EXTL3: variants seen among roughly 807,000 people sequenced by gnomAD.
EXTL3 encodes exostosin like glycosyltransferase 3.
EXTL3 carries 27 observed loss-of-function variants against 69.3 expected under a neutral mutation model. That is an observed-to-expected ratio of 0.39 (90% CI 0.29 to 0.54). EXTL3 has a LOEUF of 0.54. Among genes scored for constraint, EXTL3 ranks in the 20% least tolerant of loss-of-function variants. EXTL3 has a pLI of 0.69. For synonymous variants in EXTL3, 511 were observed against 499.4 expected, an observed-to-expected ratio of 1.02 and a Z score of -0.31; for missense variants, 1,003 against 1,231.8, an observed-to-expected ratio of 0.81 and a Z score of 2.78.
rs191736174 is a variant in EXTL3 at position 28,672,153 on chromosome 8, C to T, written c.-52-41304C>T. 1.2e-3 allele frequency among the ~76,000 whole-genome samples: 176 copies of T among 152,006 alleles called. 1 individual carries two copies. Among genetic ancestry groups the T allele is most frequent in the Admixed American group, 3.2e-3 (49 of 15,240 alleles). On this transcript the variant is annotated intron_variant, in intron 1 of 6. Coordinates refer to the EXTL3 transcript ENST00000523149. ...TTTCTGGCCAGGAGCGTTTGGTGCACGCCTGTAATCCCAGCAGTTTGGGAG... is the reference window on the plus strand; with the variant it reads ...TTTCTGGCCAGGAGCGTTTGGTGCATGCCTGTAATCCCAGCAGTTTGGGAG...
At chr8:28,733,170 G>C (rs927944779) in intron 4 of EXTL3, among the ~76,000 whole-genome samples, 1 of 152,098 alleles carries the variant, frequency 6.6e-6, no homozygotes, top group South Asian at 2.1e-4. Flanking sequence ...GGATACCTAA[G>C]AGTAATGTGG....
chr8:28,716,672 G>T lies in EXTL3; in HGVS notation c.613G>T (p.Val205Phe). Reference sequence around the variant, plus strand: ...CTACGTCTATGACAGTGACCAGTTTGTCTTTGGCAGCTACCTGGATCCCTT... The same window carrying T: ...CTACGTCTATGACAGTGACCAGTTTTTCTTTGGCAGCTACCTGGATCCCTT... The part of the protein sequence containing the change: ...PVYVYDSDQF[V>F]FGSYLDPLVK... The change falls in exon 3 of 7, where the codon GTC becomes TTC. Residue 205 changes from valine to phenylalanine, a missense_variant. Coordinates refer to ENST00000220562, the MANE Select transcript of EXTL3 (RefSeq NM_001440.4). The surrounding 1 kb of genome is among the most constrained non-coding windows in gnomAD (Gnocchi z 7.1). 6.2e-7 allele frequency: 1 copy of T among 1,614,232 alleles called. No individual in the cohort carries two copies. The highest frequency in any genetic ancestry group is 8.5e-7 in the Non-Finnish European group (1 of 1,180,040).
intron 1 of EXTL3, chr8:28,710,613 C>CTTTTTT (rs11446791): frequency 2.2e-5 from 6 of 272,862 alleles, no homozygotes; most frequent in African/African-American, 2.8e-5. Flanking sequence ...TTCTTTCTTT[C>CTTTTTT]TTTTTTTTTT....
At chr8:28,696,108 G>A (rs1324057306) in intron 1 of EXTL3, 1 of 152,094 alleles carries the variant, frequency 6.6e-6, no homozygotes, top group Admixed American at 6.5e-5. Flanking sequence ...TGTTGCCCAG[G>A]CTGGTCAAAC....
chr8:28,663,815 T>TC (rs539215706), intron 1 of EXTL3, among the ~76,000 whole-genome samples: 3 of 152,176 alleles, frequency 2.0e-5, no homozygotes, highest in African/African-American at 7.2e-5. Flanking sequence ...TTCTCAAACC[T>TC]CCCCTCAGCA....
chr8:28,702,813 G>A (rs922685179), intron 1 of EXTL3, among the ~76,000 whole-genome samples: 2 of 152,010 alleles, frequency 1.3e-5, no homozygotes, highest in Non-Finnish European at 2.9e-5. Context: ...AGAGCTCCCC[G>A]TGCTTTCTTT....
chr8:28,681,558 G>T (rs539732240), intron 1 of EXTL3, among the ~76,000 whole-genome samples: 1 of 152,078 alleles, frequency 6.6e-6, no homozygotes, highest in East Asian at 1.9e-4. Flanking sequence ...ATAGACACTC[G>T]GGTTGATTTC....
intron 1 of EXTL3, chr8:28,710,213 A>G (rs887696115): frequency 1.1e-5 from 3 of 261,678 alleles, no homozygotes; most frequent in Non-Finnish European, 7.7e-6. Context: ...TGTGTTGCTG[A>G]CCACTGGAAA....
At chr8:28,730,770 A>G (rs181243020) in intron 3 of EXTL3, among the ~76,000 whole-genome samples, 1 of 149,098 alleles carries the variant, frequency 6.7e-6, no homozygotes, top group East Asian at 2.0e-4. Flanking sequence ...CTTTTTTGGG[A>G]TTTATATCCC....
intron 1 of EXTL3, among the ~76,000 whole-genome samples, chr8:28,622,985 C>G (rs1806438069): frequency 6.6e-6 from 1 of 152,090 alleles, no homozygotes; most frequent in African/African-American, 2.4e-5. Context: ...GTCGTCCTGC[C>G]CGCGGGCCGG....
At chr8:28,726,156 A>G (rs1008882399) in intron 3 of EXTL3, among the ~76,000 whole-genome samples, 7 of 152,082 alleles carry the variant, frequency 4.6e-5, no homozygotes, top group Non-Finnish European at 8.8e-5. Context: ...GGGTTTCACT[A>G]TGTTGGCCAG....
chr8:28,618,786 G>T (rs1806361788), upstream of EXTL3, among the ~76,000 whole-genome samples: 1 of 152,026 alleles, frequency 6.6e-6, no homozygotes, highest in South Asian at 2.1e-4. Flanking sequence ...AAAAGCCAGT[G>T]TAAGAAACAG....
intron 1 of EXTL3, among the ~76,000 whole-genome samples, chr8:28,674,471 G>A (rs1032672196): frequency 6.6e-6 from 1 of 152,190 alleles, no homozygotes; most frequent in Non-Finnish European, 1.5e-5. Context: ...ATGAGGTCAG[G>A]GATTCACATT....
rs1425586642 is a variant in EXTL3 at position 28,716,796 on chromosome 8, A to T, written c.737A>T (p.Gln246Leu). 1 of 1,614,148 alleles carries T rather than the reference A, an allele frequency of 6.2e-7. No individual in the cohort carries two copies. Among genetic ancestry groups the T allele is most frequent in the African/African-American group, 1.3e-5 (1 of 74,952 alleles). The change falls in exon 3 of 7, where the codon CAG (glutamine) becomes CTG (leucine). Residue 246 changes from glutamine (Q) to leucine (L), a missense_variant. Coordinates refer to ENST00000220562, the MANE Select transcript of EXTL3 (RefSeq NM_001440.4). The surrounding 1 kb of genome is among the most constrained non-coding windows in gnomAD (Gnocchi z 7.1). ...CLYVILVGEM[Q>L]EPVVLRPAEL... ...TACGTGATACTAGTGGGAGAGATGC[A>T]GGAGCCGGTGGTGCTGCGGCCTGCT... is the stretch of plus-strand genomic sequence containing the variant.
rs531257184 is a variant in EXTL3 at position 28,738,885 on chromosome 8, T to A, written c.2421+1222T>A. 5.3e-5 allele frequency among the ~76,000 whole-genome samples: 8 copies of A among 152,326 alleles called. No homozygotes were observed. The East Asian group carries it at 1.2e-3, about 22-fold the overall frequency. ...GTGCCCTGACAGTCACCAAAGACGG[T>A]GGCACCTGCCTCCTTCTCTTTGTCT... is the stretch of plus-strand genomic sequence containing the variant. On this transcript the variant is annotated intron_variant, in intron 5 of 6. Coordinates refer to ENST00000220562, the MANE Select transcript of EXTL3 (RefSeq NM_001440.4).
At chr8:28,654,295 CT>C in intron 1 of EXTL3, among the ~76,000 whole-genome samples, 1 of 152,352 alleles carries the variant, frequency 6.6e-6, no homozygotes, top group African/African-American at 2.4e-5. Context: ...ACTTGTATGG[CT>C]TTCAGATTCT....
intron 1 of EXTL3, among the ~76,000 whole-genome samples, chr8:28,640,725 C>G (rs1451560835): frequency 6.6e-6 from 1 of 152,182 alleles, no homozygotes; most frequent in Admixed American, 6.5e-5. Flanking sequence ...GCCTCAGCCT[C>G]CCAAGTAGAT....
chr8:28,659,656 A>C (rs1450087270), intron 1 of EXTL3, among the ~76,000 whole-genome samples: 40 of 152,198 alleles, frequency 2.6e-4, no homozygotes, highest in Non-Finnish European at 1.5e-5. Context: ...CCCCAACATC[A>C]GCAAGTCTAA....
chr8:28,699,172 G>A (rs753058387), upstream of EXTL3, among the ~76,000 whole-genome samples: 1 of 152,092 alleles, frequency 6.6e-6, no homozygotes. Context: ...GCAAGACCCT[G>A]TTTCCAAAAA....
Sources: allele counts gnomAD v4.1 joint callset (sites outside exome capture counted in the v4.1 genomes callset), GRCh38; gene constraint gnomAD v4.1.1; non-coding constraint Gnocchi (gnomAD v3.1); transcripts MANE v1.5; gene names NCBI Gene and HGNC (gene_info 2026-07-23, HGNC 2026-07-21).